DNAJC13: variants seen among roughly 807,000 people sequenced by gnomAD.
DNAJC13 encodes dnaJ homolog subfamily C member 13.
A neutral mutation model predicts 290.5 loss-of-function variants in DNAJC13; 75 were observed. That is an observed-to-expected ratio of 0.26 (90% CI 0.21 to 0.31). The LOEUF (loss-of-function observed/expected upper bound fraction) is 0.31, where lower values mean the gene tolerates loss of function less well. Ranked by LOEUF, DNAJC13 falls within the 10% of genes least tolerant of loss-of-function variation. The probability of loss-of-function intolerance (pLI) is 1.00; values close to 1 mark genes in which losing one functional copy is unlikely to be tolerated. For synonymous variants in DNAJC13, 862 were observed against 892.0 expected (o/e 0.97, Z 0.60); for missense variants, 2,260 against 2,674.5 (o/e 0.85, Z 3.42).
intron 9 of DNAJC13, among the ~76,000 whole-genome samples, chr3:132,454,843 CTGTT>C (rs1391104482): frequency 2.0e-5 from 3 of 152,032 alleles, no homozygotes; most frequent in Non-Finnish European, 2.9e-5. Context: ...TCTTAACACT[CTGTT>C]TGTGAGATGC....
chr3:132,443,365 CT>C (rs1195511511), intron 2 of DNAJC13, among the ~76,000 whole-genome samples: 25 of 152,094 alleles, frequency 1.6e-4, no homozygotes, highest in Non-Finnish European at 2.9e-4. Flanking sequence ...GTTGGCCAGG[CT>C]GGTCTCAAAT....
At chr3:132,524,916 A>T (rs1463800384) in intron 51 of DNAJC13, among the ~76,000 whole-genome samples, 1 of 152,250 alleles carries the variant, frequency 6.6e-6, no homozygotes, top group Non-Finnish European at 1.5e-5. Flanking sequence ...GTTAAATAGT[A>T]GGATTTTTAA....
At chr3:132,467,144 T>C in intron 19 of DNAJC13, 26 bp from the exon 20 acceptor site, 2 of 1,602,666 alleles carry the variant, frequency 1.2e-6, no homozygotes, top group Non-Finnish European at 1.7e-6. Flanking sequence ...AACAGGCATG[T>C]AATGGATTCC....
intron 22 of DNAJC13, among the ~76,000 whole-genome samples, chr3:132,477,336 C>A (rs1934506404): frequency 6.6e-6 from 1 of 152,130 alleles, no homozygotes; most frequent in Non-Finnish European, 1.5e-5. Context: ...AATGTAGTAA[C>A]ATGGGGTGAT....
At chr3:132,513,480 G>A (rs967790156) in intron 45 of DNAJC13, among the ~76,000 whole-genome samples, 1 of 152,138 alleles carries the variant, frequency 6.6e-6, no homozygotes, top group Non-Finnish European at 1.5e-5. Flanking sequence ...ATATCTGTTG[G>A]CTACATACTG....
intron 2 of DNAJC13, among the ~76,000 whole-genome samples, chr3:132,437,127 C>T (rs915254838): frequency 6.6e-6 from 1 of 152,096 alleles, no homozygotes; most frequent in Non-Finnish European, 1.5e-5. Flanking sequence ...AATCCGCCCG[C>T]CTCAGCCTCC....
Position 132,447,344 on chromosome 3 carries a change from C to T in DNAJC13, c.168C>T (p.Ser56=), listed in dbSNP as rs1204679774. 2 of 1,591,682 alleles carry T rather than the reference C, an allele frequency of 1.3e-6. No individual in the cohort carries two copies. Among genetic ancestry groups the T allele is most frequent in the Non-Finnish European group, 1.7e-6 (2 of 1,172,100 alleles). The change falls in exon 4 of 56, where the codon AGC becomes AGT. Residue 56 remains serine, a synonymous_variant. Coordinates refer to ENST00000260818, the MANE Select transcript of DNAJC13 (RefSeq NM_015268.4). ...TNQWPYGDIC[S]ISPVGKGQGT... is the part of the protein sequence containing the mutation. ...AGTGGCCTTATGGAGACATTTGCAGCATCAGCCCTGTTGGAAAAGGACAAG... is the reference window on the plus strand; with the variant it reads ...AGTGGCCTTATGGAGACATTTGCAGTATCAGCCCTGTTGGAAAAGGACAAG...
rs550478809 is a variant in DNAJC13, at chr3:132,465,087, G to A, written c.1893-908G>A. ...CAAATGCCAGTGAAGGAAATTACAA[G>A]TTTAATTACTTCAATATGTTAGCTT... On this transcript the variant is annotated intron_variant, in intron 17 of 55. Coordinates refer to ENST00000260818, the MANE Select transcript of DNAJC13 (RefSeq NM_015268.4). Among the ~76,000 whole-genome samples, 3 of 152,262 alleles carry A rather than the reference G, an allele frequency of 2.0e-5. No homozygotes were observed. In the South Asian group the frequency reaches 6.2e-4, roughly 32 times the overall value.
At chr3:132,456,880 TC>T (rs763067140) in intron 12 of DNAJC13, 48 bp downstream of exon 12, 4 of 1,581,936 alleles carry the variant, frequency 2.5e-6, no homozygotes, top group South Asian at 2.3e-5. Flanking sequence ...TTTGAACTAC[TC>T]AAAATGGCAA....
In DNAJC13 at chr3:132,456,271, A is replaced by G. The variant is rs1933595270; in HGVS notation, c.969A>G (p.Arg323=). Residue 323 remains arginine, a synonymous_variant, in exon 10 of 56, where the codon AGA becomes AGG. Coordinates refer to ENST00000260818, the MANE Select transcript of DNAJC13 (RefSeq NM_015268.4). ...SLLASLLDGV[R]ASGNRDVCVK... ...TAGCAAGTTTGCTGGATGGAGTAAG[A>G]GCCTCTGGTAATAGAGATGTTTGTG... 6.2e-7 allele frequency: 1 copy of G among 1,613,774 alleles called. No individual in the cohort carries two copies. The highest frequency in any genetic ancestry group is 8.5e-7 in the Non-Finnish European group (1 of 1,179,824).
chr3:132,503,817 A>G (rs894466783), intron 41 of DNAJC13, among the ~76,000 whole-genome samples: 4 of 152,206 alleles, frequency 2.6e-5, no homozygotes, highest in East Asian at 3.8e-4. Flanking sequence ...GTATCTATGT[A>G]CATACATAGA....
intron 36 of DNAJC13, among the ~76,000 whole-genome samples, chr3:132,498,225 T>C (rs1283752288): frequency 6.6e-6 from 1 of 151,964 alleles, no homozygotes; most frequent in Non-Finnish European, 1.5e-5. Flanking sequence ...AAGAAAATAC[T>C]GGTAAAACTT....
chr3:132,481,651 A>G (rs1336953173), intron 26 of DNAJC13, among the ~76,000 whole-genome samples: 1 of 152,206 alleles, frequency 6.6e-6, no homozygotes, highest in Admixed American at 6.5e-5. Flanking sequence ...TTTAACCTAG[A>G]TTCTTGTAAA....
chr3:132,491,466 A>G (rs1269660571), intron 32 of DNAJC13, among the ~76,000 whole-genome samples: 3 of 152,156 alleles, frequency 2.0e-5, no homozygotes, highest in Non-Finnish European at 4.4e-5. Flanking sequence ...TCGATGAATC[A>G]GAACAGAGAT....
At position 132,510,031 on chromosome 3, in the gene DNAJC13, G is replaced by T. The variant is rs74479804; in HGVS notation, c.5116-1036G>T. Among the ~76,000 whole-genome samples the T allele has an allele frequency of 7.0e-3, 1,070 of 152,210 alleles. 10 individuals carry two copies. Among genetic ancestry groups the T allele is most frequent in the African/African-American group, 0.024 (1,010 of 41,526 alleles). Reference sequence around the variant, plus strand: ...GAGCCTCTTTATCTTGATTGTTGAAGAATTGAATTTTGTGAAGTTTATTCA... The same window carrying T: ...GAGCCTCTTTATCTTGATTGTTGAATAATTGAATTTTGTGAAGTTTATTCA... On this transcript the variant is annotated intron_variant, in intron 43 of 55. Transcript: ENST00000260818.
At chr3:132,425,644 C>T (rs1435447653) in intron 1 of DNAJC13, among the ~76,000 whole-genome samples, 2 of 152,152 alleles carry the variant, frequency 1.3e-5, no homozygotes, top group Admixed American at 6.6e-5. Context: ...CTTACCTGTT[C>T]TCTGCAAGTT....
Position 132,475,165 on chromosome 3 carries a change from T to A in DNAJC13, c.2445+80T>A, listed in dbSNP as rs757056936. ...TGGGGAGTGATTTTTTTTAAAAAAA[T>A]TTGTAATTACATATCTGGTCTTTAC... On this transcript the variant is annotated intron_variant, in intron 22 of 55. Coordinates refer to ENST00000260818, the MANE Select transcript of DNAJC13 (RefSeq NM_015268.4). The A allele has an allele frequency of 4.6e-4, 510 of 1,105,940 alleles. 1 individual carries two copies. The highest frequency in any genetic ancestry group is 5.6e-4 in the Non-Finnish European group (459 of 817,288). 68.5% of individuals were successfully genotyped at this position (1,105,940 alleles called of 1,614,324 possible).
intron 31 of DNAJC13, 129 bp downstream of exon 31, chr3:132,489,150 C>T: frequency 1.5e-6 from 1 of 658,916 alleles, no homozygotes; most frequent in Admixed American, 3.1e-5. Flanking sequence ...TTATTCTGTT[C>T]TTACATTGTT....
rs1247697951 is a variant in DNAJC13, at chr3:132,447,349, G to T, written c.173G>T (p.Ser58Ile). 1 of 1,594,862 alleles carries T rather than the reference G, an allele frequency of 6.3e-7. No homozygotes were observed. Residue 58 changes from serine to isoleucine, a missense_variant, in exon 4 of 56, where the codon AGC becomes ATC. By Grantham distance (142) the Ser-to-Ile change is moderately radical. Around this residue, in one of 3 missense-constraint regions of DNAJC13, gnomAD observed 762 missense variants for 964.1 expected, o/e 0.79. Transcript: ENST00000260818. ...CCTTATGGAGACATTTGCAGCATCA[G>T]CCCTGTTGGAAAAGGACAAGGAACG... ...QWPYGDICSI[S>I]PVGKGQGTEF...
Sources: gnomAD v4.1 joint callset for allele counts (sites outside exome capture counted in the v4.1 genomes callset) on GRCh38, gnomAD v4.1.1 for gene constraint, gnomAD v4.1.1 regional missense constraint, MANE v1.5 for transcripts, NCBI Gene and HGNC (gene_info 2026-07-23, HGNC 2026-07-21) for gene names.